DPH6: variants seen among roughly 807,000 people sequenced by gnomAD.
DPH6 encodes the protein diphthine--ammonia ligase.
In DPH6, 33 loss-of-function variants were observed where a neutral mutation model predicts 38.2. The observed-to-expected ratio is 0.86, with a 90% CI of 0.65 to 1.15. DPH6 has a LOEUF of 1.15. DPH6 is among the 50% of genes most tolerant of loss of function. DPH6 has a pLI of 0.00. For missense variants in DPH6, 325 were observed against 320.0 expected (o/e 1.02, Z -0.12); for synonymous variants, 108 against 103.0 (o/e 1.05, Z -0.30).
the DPH6 span, among the ~76,000 whole-genome samples, chr15:35,206,721 T>C: frequency 3.3e-5 from 5 of 152,192 alleles, no homozygotes; most frequent in Admixed American, 2.0e-4. Flanking sequence ...AATGGATACA[T>C]GGTAACTAAA....
intron 3 of DPH6, among the ~76,000 whole-genome samples, chr15:35,481,204 G>C (rs1353270453): frequency 1.3e-5 from 2 of 152,018 alleles, no homozygotes; most frequent in Non-Finnish European, 2.9e-5. Context: ...ACCAGTATGT[G>C]GTATACCGCA....
chr15:35,393,945 G>A (rs1217006616), intron 6 of DPH6, among the ~76,000 whole-genome samples: 1 of 152,070 alleles, frequency 6.6e-6, no homozygotes, highest in Non-Finnish European at 1.5e-5. Context: ...AGTTTTCTGG[G>A]AGAGTCCAGA....
intron 3 of DPH6, among the ~76,000 whole-genome samples, chr15:35,536,748 G>GT (rs1227459713): frequency 6.6e-6 from 1 of 151,836 alleles, no homozygotes; most frequent in Non-Finnish European, 1.5e-5. Flanking sequence ...CAAATTCTTT[G>GT]TACCATGAGA....
At chr15:35,536,966 T>C (rs949814030) in intron 3 of DPH6, among the ~76,000 whole-genome samples, 1 of 152,220 alleles carries the variant, frequency 6.6e-6, no homozygotes, top group Middle Eastern at 3.4e-3. Context: ...CTTTCAAAAG[T>C]GTCTACTTCT....
At chr15:35,490,077 C>T in intron 3 of DPH6, 3 of 985,398 alleles carry the variant, frequency 3.0e-6, no homozygotes, top group Non-Finnish European at 3.6e-6. Flanking sequence ...TATCTTCTTA[C>T]TTGGCCTAAA....
intron 3 of DPH6, among the ~76,000 whole-genome samples, chr15:35,235,843 G>A (rs181221478): frequency 4.6e-5 from 7 of 152,292 alleles, no homozygotes; most frequent in African/African-American, 1.4e-4. Flanking sequence ...ATGCAAGAAA[G>A]TGTACTGCAG....
intron 6 of DPH6, among the ~76,000 whole-genome samples, chr15:35,385,778 G>A (rs2052944998): frequency 6.6e-6 from 1 of 151,978 alleles, no homozygotes; most frequent in Non-Finnish European, 1.5e-5. Flanking sequence ...ATAAAAAAAG[G>A]CAATATGATT....
chr15:35,214,723 T>A (rs2051403390), downstream of DPH6, among the ~76,000 whole-genome samples: 1 of 152,206 alleles, frequency 6.6e-6, no homozygotes, highest in Non-Finnish European at 1.5e-5. Context: ...TTCTCCTGCC[T>A]CAGACTACCG....
chr15:35,321,618 G>A (rs1169581520), intron 3 of DPH6, among the ~76,000 whole-genome samples: 1 of 152,136 alleles, frequency 6.6e-6, no homozygotes, highest in East Asian at 1.9e-4. Context: ...TCATTAAGCT[G>A]TATTCTTGAT....
At chr15:35,321,410 T>C (rs886972988) in intron 3 of DPH6, among the ~76,000 whole-genome samples, 1 of 152,200 alleles carries the variant, frequency 6.6e-6, no homozygotes, top group Non-Finnish European at 1.5e-5. Flanking sequence ...ATACCAAATA[T>C]TTTCATCTAG....
intron 3 of DPH6, among the ~76,000 whole-genome samples, chr15:35,482,132 G>C (rs1481562841): frequency 6.6e-6 from 1 of 152,198 alleles, no homozygotes; most frequent in Non-Finnish European, 1.5e-5. Flanking sequence ...AGTGGGACCA[G>C]AAAAATCCCC....
intron 3 of DPH6, among the ~76,000 whole-genome samples, chr15:35,359,788 G>A (rs1057003618): frequency 5.9e-5 from 9 of 152,070 alleles, no homozygotes; most frequent in Admixed American, 2.6e-4. Context: ...TCTGTTTTTG[G>A]AGTCATCTTC....
chr15:35,237,254 A>T, intron 3 of DPH6: 2 of 1,367,466 alleles, frequency 1.5e-6, no homozygotes, highest in South Asian at 2.3e-5. Flanking sequence ...GAGCCTTGAA[A>T]GTGCTAAAAC....
intron 6 of DPH6, among the ~76,000 whole-genome samples, chr15:35,405,353 C>G (rs1035196580): frequency 1.3e-5 from 2 of 151,880 alleles, no homozygotes; most frequent in Non-Finnish European, 2.9e-5. Flanking sequence ...CATAGAATGT[C>G]TTCATTTTTT....
the DPH6 span, among the ~76,000 whole-genome samples, chr15:35,178,101 G>A: frequency 6.6e-6 from 1 of 152,102 alleles, no homozygotes; most frequent in South Asian, 2.1e-4. Context: ...GCATAAACAA[G>A]TTTTAAAATA....
chr15:35,426,907 T>C (rs555669426), intron 5 of DPH6, among the ~76,000 whole-genome samples: 1 of 150,006 alleles, frequency 6.7e-6, no homozygotes, highest in South Asian at 2.1e-4. Context: ...CATAGAGACA[T>C]TTATGAACAC....
chr15:35,502,712 T>C (rs1234528265), intron 3 of DPH6, among the ~76,000 whole-genome samples: 1 of 151,712 alleles, frequency 6.6e-6, no homozygotes, highest in African/African-American at 2.4e-5. Flanking sequence ...GCAACTTATA[T>C]GCAATAAAGA....
intron 3 of DPH6, among the ~76,000 whole-genome samples, chr15:35,236,022 CAA>C (rs1448186639): frequency 1.3e-5 from 2 of 152,272 alleles, no homozygotes; most frequent in African/African-American, 2.4e-5. Flanking sequence ...AATTGAAGAA[CAA>C]AGAGCTTTCT....
intron 3 of DPH6, among the ~76,000 whole-genome samples, chr15:35,248,249 C>T (rs568106486): frequency 5.4e-4 from 82 of 152,176 alleles, no homozygotes; most frequent in Non-Finnish European, 2.5e-4. Context: ...CCCTTTTCTC[C>T]AAGCTGGGTC....
Sources: gnomAD v4.1 joint callset for allele counts (sites outside exome capture counted in the v4.1 genomes callset) on GRCh38, gnomAD v4.1.1 for gene constraint, MANE v1.5 for transcripts, NCBI Gene and HGNC (gene_info 2026-07-23, HGNC 2026-07-21) for gene names.